The following BPNT2 variants were observed in gnomAD, a reference collection of about 807,000 sequenced individuals.
BPNT2 encodes the protein 3'(2'), 5'-bisphosphate nucleotidase 2.
A neutral mutation model predicts 29.3 loss-of-function variants in BPNT2; 11 were observed. That is an observed-to-expected ratio of 0.38 (90% CI 0.24 to 0.62). BPNT2 has a LOEUF of 0.62. BPNT2 is among the 20% of genes least tolerant of loss of function. The pLI is 0.62. For synonymous variants in BPNT2, 195 were observed against 187.7 expected (o/e 1.04, Z -0.32); for missense variants, 459 against 473.4 (o/e 0.97, Z 0.28).
intron 1 of BPNT2, 63 bp from the exon 2 acceptor site, chr8:56,980,260 CA>C: frequency 3.7e-6 from 5 of 1,335,270 alleles, no homozygotes; most frequent in Non-Finnish European, 5.4e-6. Flanking sequence ...TGATAAACTA[CA>C]AAAGTATTTC....
Position 56,978,891 on chromosome 8 carries a change from G to A in BPNT2, c.551-746C>T, listed in dbSNP as rs183347685. ...ACACCACACACTGGGGCCTTTCAGA[G>A]GATAGAGAGTGGGAGGAGGAAGAGA... On this transcript the variant is annotated intron_variant, in intron 2 of 4. Coordinates refer to ENST00000262644, the MANE Select transcript of BPNT2 (RefSeq NM_017813.5). Among the ~76,000 whole-genome samples the A allele has an allele frequency of 2.4e-3, 371 of 152,254 alleles. 1 individual carries two copies. The highest frequency in any genetic ancestry group is 8.4e-3 in the African/African-American group (347 of 41,550).
intron 1 of BPNT2, among the ~76,000 whole-genome samples, chr8:56,982,352 A>C (rs1029996885): frequency 1.3e-5 from 2 of 152,168 alleles, no homozygotes; most frequent in Non-Finnish European, 2.9e-5. Flanking sequence ...CGATCTCCTG[A>C]CTTCATGATC....
At chr8:56,992,790 G>T (rs1806439751) in intron 1 of BPNT2, among the ~76,000 whole-genome samples, 1 of 150,584 alleles carries the variant, frequency 6.6e-6, no homozygotes, top group Non-Finnish European at 1.5e-5. Context: ...GCTACTGGCA[G>T]GCCACCCAGA....
Position 56,993,761 on chromosome 8 carries a change from G to T in BPNT2, c.-176C>A. The T allele has an allele frequency of 1.2e-6, 1 of 832,722 alleles. No individual in the cohort carries two copies. Among genetic ancestry groups the T allele is most frequent in the Non-Finnish European group, 1.5e-6 (1 of 686,822 alleles). 51.6% of individuals were successfully genotyped at this position (832,722 alleles called of 1,614,324 possible). A position where few individuals can be genotyped will look rare whatever the true frequency, so the allele number is the denominator to read the frequency against. On this transcript the variant is annotated 5_prime_UTR_variant, in exon 1 of 5. Coordinates refer to ENST00000262644, the MANE Select transcript of BPNT2 (RefSeq NM_017813.5). Reference sequence around the variant, plus strand: ...CCCAGGAAAGGCCGAGTTGCGCCGCGAAGACCACCAACGCCGCCCCGCGCG... The same window carrying T: ...CCCAGGAAAGGCCGAGTTGCGCCGCTAAGACCACCAACGCCGCCCCGCGCG...
intron 1 of BPNT2, among the ~76,000 whole-genome samples, chr8:56,992,699 C>A (rs538777815): frequency 6.8e-6 from 1 of 147,774 alleles, no homozygotes; most frequent in African/African-American, 2.5e-5. Context: ...CCCCCCCACC[C>A]CGACTCCCGC....
chr8:56,981,324 C>T (rs55820553), intron 1 of BPNT2, among the ~76,000 whole-genome samples: 19,976 of 152,160 alleles, frequency 0.13, 1,494 homozygotes, highest in East Asian at 0.18. Flanking sequence ...CCCAGCACTT[C>T]GGGAGGCCGA....
chr8:56,992,097 C>G (rs1266873686), intron 1 of BPNT2, among the ~76,000 whole-genome samples: 1 of 151,854 alleles, frequency 6.6e-6, no homozygotes, highest in Non-Finnish European at 1.5e-5. Flanking sequence ...AAAACAAAAC[C>G]AAAGCAATAT....
At chr8:56,968,917 A>C (rs1805990038) in intron 3 of BPNT2, among the ~76,000 whole-genome samples, 2 of 152,206 alleles carry the variant, frequency 1.3e-5, no homozygotes, top group Non-Finnish European at 2.9e-5. Context: ...TAGTGGAGTA[A>C]GGTGGGCTCT....
Position 56,978,076 on chromosome 8 carries a change from A to G in BPNT2, c.620T>C (p.Ile207Thr). 3.7e-6 allele frequency: 6 copies of G among 1,609,532 alleles called. No homozygotes were observed. The highest frequency in any genetic ancestry group is 5.1e-6 in the Non-Finnish European group (6 of 1,176,038). ...AVNGKPMLGV[I>T]HKPFSEYTAW... Reference sequence around the variant, plus strand: ...TGTATATTCGGAAAATGGCTTATGTATAACTCCTAGCATGGGTTTACCATT... The same window carrying G: ...TGTATATTCGGAAAATGGCTTATGTGTAACTCCTAGCATGGGTTTACCATT... The change falls in exon 3 of 5, where the codon ATA becomes ACA. Residue 207 changes from isoleucine to threonine, a missense_variant. Physicochemically the swap from Ile to Thr is moderately conservative, Grantham distance 89. Transcript: ENST00000262644.
At chr8:56,965,755 T>A (rs16921483) in intron 4 of BPNT2, among the ~76,000 whole-genome samples, 91 of 152,004 alleles carry the variant, frequency 6.0e-4, no homozygotes, top group Admixed American at 2.0e-3. Context: ...GGTTAAAGAG[T>A]TCAGGGGTGT....
rs777949538 is a variant in BPNT2 at position 56,963,956 on chromosome 8, G to A, written c.917C>T (p.Ala306Val). The A allele has an allele frequency of 8.1e-6, 13 of 1,613,798 alleles. No homozygotes were observed. Among genetic ancestry groups the A allele is most frequent in the Non-Finnish European group, 1.1e-5 (13 of 1,179,924 alleles). The change falls in exon 5 of 5, where the codon GCC (alanine) becomes GTC (valine). Residue 306 changes from alanine to valine, a missense_variant. Physicochemically the swap from Ala to Val is moderately conservative, Grantham distance 64. Transcript: ENST00000262644. ...IKKWDICAGN[A>V]ILKALGGHMT... is the part of the protein sequence containing the mutation. ...ATGCCCCCCTAGGGCTTTTAAGATG[G>A]CATTACCAGCACATATATCCCACTT...
At chr8:56,971,778 T>TAAC (rs1806036485) in intron 3 of BPNT2, among the ~76,000 whole-genome samples, 1 of 37,498 alleles carries the variant, frequency 2.7e-5, no homozygotes, top group African/African-American at 1.4e-4. Flanking sequence ...AATAATTTTG[T>TAAC]ACCACCCCCC....
intron 1 of BPNT2, among the ~76,000 whole-genome samples, chr8:56,983,568 T>C (rs1041067536): frequency 2.6e-5 from 4 of 151,978 alleles, no homozygotes; most frequent in African/African-American, 7.3e-5. Context: ...CTATTAACAA[T>C]GTGCAGAGGG....
At position 56,962,337 on chromosome 8, in the gene BPNT2, T is replaced by C. The variant is rs756674123; in HGVS notation, c.*1456A>G. 1 of 152,238 alleles carries C rather than the reference T, an allele frequency of 6.6e-6. No individual in the cohort carries two copies. Among genetic ancestry groups the C allele is most frequent in the Admixed American group, 6.5e-5 (1 of 15,288 alleles). The allele number at this position is 152,238 out of a possible 1,614,324, so 9.4% of individuals were successfully genotyped here. ...TTCCACCAGGCTAGAACGTACATTCTTTGGTCAATTTTACTTCCAAGATGG... is the reference window on the plus strand; with the variant it reads ...TTCCACCAGGCTAGAACGTACATTCCTTGGTCAATTTTACTTCCAAGATGG... On this transcript the variant is annotated 3_prime_UTR_variant, in exon 5 of 5. Transcript: ENST00000262644.
chr8:56,968,382 G>A lies in BPNT2; in HGVS notation c.647-2030C>T, dbSNP rs555796362. Reference sequence around the variant, plus strand: ...AGATAAAAGGGATCACAGAGAAAGTGATAGATTAAAAAAAAAAAAAACAAA... The same window carrying A: ...AGATAAAAGGGATCACAGAGAAAGTAATAGATTAAAAAAAAAAAAAACAAA... On this transcript the variant is annotated intron_variant, in intron 3 of 4. Coordinates refer to ENST00000262644, the MANE Select transcript of BPNT2 (RefSeq NM_017813.5). 1.6e-4 allele frequency among the ~76,000 whole-genome samples: 22 copies of A among 141,704 alleles called. No homozygotes were observed. The South Asian group carries it at 3.8e-3, about 25-fold the overall frequency. 93.0% of individuals were successfully genotyped at this position (141,704 alleles called of 152,430 possible).
chr8:56,962,965 T>C lies in BPNT2; in HGVS notation c.*828A>G, dbSNP rs1225295125. On this transcript the variant is annotated 3_prime_UTR_variant, in exon 5 of 5. Transcript: ENST00000262644. ...TTAATGAGAAAATGAACCAAAACTATAGTGCTAACCCTGAAACCTTAAACC... is the reference window on the plus strand; with the variant it reads ...TTAATGAGAAAATGAACCAAAACTACAGTGCTAACCCTGAAACCTTAAACC... The C allele has an allele frequency of 6.6e-6, 1 of 152,202 alleles. No homozygotes were observed. The highest frequency in any genetic ancestry group is 1.9e-4 in the East Asian group (1 of 5,202). 9.4% of individuals were successfully genotyped at this position (152,202 alleles called of 1,614,324 possible).
chr8:56,967,648 T>C (rs1237797070), intron 3 of BPNT2, among the ~76,000 whole-genome samples: 3 of 151,878 alleles, frequency 2.0e-5, no homozygotes, highest in African/African-American at 7.3e-5. Context: ...AAGCAGCAGC[T>C]TGGAGGAGAT....
intron 3 of BPNT2, chr8:56,967,364 G>C (rs1244231638): frequency 5.0e-6 from 2 of 402,682 alleles, no homozygotes; most frequent in African/African-American, 2.1e-5. Flanking sequence ...CCCATGCTCT[G>C]TACCTACAGA....
chr8:56,991,326 G>C (rs186106902), intron 1 of BPNT2, among the ~76,000 whole-genome samples: 1 of 151,716 alleles, frequency 6.6e-6, no homozygotes, highest in Admixed American at 6.6e-5. Flanking sequence ...TTAAGCCAGA[G>C]ACTTCAACAT....
Sources: allele counts gnomAD v4.1 joint callset (sites outside exome capture counted in the v4.1 genomes callset), GRCh38; gene constraint gnomAD v4.1.1; transcripts MANE v1.5; gene names NCBI Gene and HGNC (gene_info 2026-07-23, HGNC 2026-07-21).